CDH17: variants seen among roughly 807,000 people sequenced by gnomAD.
CDH17 encodes the protein cadherin-17.
A neutral mutation model predicts 86.3 loss-of-function variants in CDH17; 67 were observed. That is an observed-to-expected ratio of 0.78 (90% CI 0.64 to 0.95). The LOEUF (loss-of-function observed/expected upper bound fraction) is 0.95. CDH17 is among the 40% of genes least tolerant of loss of function. CDH17 has a pLI of 0.00. For missense variants in CDH17, 993 were observed against 1,017.6 expected, an observed-to-expected ratio of 0.98 and a Z score of 0.33; for synonymous variants, 367 against 366.4, an observed-to-expected ratio of 1.00 and a Z score of -0.02.
rs1437671379 is a variant in CDH17, at chr8:94,146,168, C to T, written c.1928-1G>A. 4.6e-6 allele frequency: 7 copies of T among 1,507,772 alleles called. No homozygotes were observed. The highest frequency in any genetic ancestry group is 6.2e-6 in the Non-Finnish European group (7 of 1,128,988). 93.4% of individuals were successfully genotyped at this position (1,507,772 alleles called of 1,614,324 possible). A position where few individuals can be genotyped will look rare whatever the true frequency, so the allele number is the denominator to read the frequency against. ...GACACAGAGCTCAAGGAAGACCCCC[C>T]TAAGGAATTGAATGATTGAAACATG... is the stretch of plus-strand genomic sequence containing the variant. On this transcript the variant is annotated splice_acceptor_variant, in intron 14 of 17. Transcript: ENST00000027335. LOFTEE classifies it high-confidence loss of function.
chr8:94,177,373 T>C (rs1270892632), intron 4 of CDH17, among the ~76,000 whole-genome samples: 1 of 152,198 alleles, frequency 6.6e-6, no homozygotes, highest in Non-Finnish European at 1.5e-5. Flanking sequence ...TAAGTGGGGT[T>C]ACGTTGGTTA....
chr8:94,205,570 T>C (rs1212563320), intron 1 of CDH17, among the ~76,000 whole-genome samples: 1 of 152,238 alleles, frequency 6.6e-6, no homozygotes, highest in Non-Finnish European at 1.5e-5. Flanking sequence ...TATGGCAGGT[T>C]CACTTTCCAA....
Position 94,165,771 on chromosome 8 carries a change from C to A in CDH17, c.1272G>T (p.Val424=). The A allele has an allele frequency of 6.2e-7, 1 of 1,608,376 alleles. No individual in the cohort carries two copies. Among genetic ancestry groups the A allele is most frequent in the Non-Finnish European group, 8.5e-7 (1 of 1,174,740 alleles). Residue 424 remains valine (V), a synonymous_variant, in exon 10 of 18, where the codon GTG becomes GTT. Coordinates refer to ENST00000027335, the MANE Select transcript of CDH17 (RefSeq NM_004063.4). ...GGATATGATACTAACCTTTGTCAGA[C>A]ACCTCTATCGTTAAGTTGTACTGAG... is the stretch of plus-strand genomic sequence containing the variant. The part of the protein sequence containing the change: ...DTPQYNLTIE[V]SDKDFKTLCF...
chr8:94,163,245 A>G (rs1291140636), intron 10 of CDH17, among the ~76,000 whole-genome samples: 1 of 152,258 alleles, frequency 6.6e-6, no homozygotes, highest in African/African-American at 2.4e-5. Flanking sequence ...GGGTCACACA[A>G]CTAACTAGTG....
chr8:94,200,599 C>A (rs1290904136), intron 1 of CDH17, among the ~76,000 whole-genome samples: 1 of 119,520 alleles, frequency 8.4e-6, no homozygotes, highest in Non-Finnish European at 1.6e-5. Context: ...AAGAAGGCCT[C>A]GGTTCCCAAA....
At chr8:94,203,560 A>G (rs758351939) in intron 1 of CDH17, among the ~76,000 whole-genome samples, 3 of 152,230 alleles carry the variant, frequency 2.0e-5, no homozygotes, top group Non-Finnish European at 4.4e-5. Flanking sequence ...TCATCGATTA[A>G]TGTTCAGATC....
chr8:94,200,538 T>G (rs1813888006), intron 1 of CDH17, among the ~76,000 whole-genome samples: 1 of 14,344 alleles, frequency 7.0e-5, no homozygotes, highest in African/African-American at 3.2e-4. Flanking sequence ...TTATCTTTTG[T>G]TTTTTTTTTT....
intron 14 of CDH17, among the ~76,000 whole-genome samples, chr8:94,147,537 T>A (rs1812767436): frequency 6.6e-6 from 1 of 152,234 alleles, no homozygotes; most frequent in Admixed American, 6.5e-5. Flanking sequence ...TTGAGTAATT[T>A]GTTTAATTCT....
intron 1 of CDH17, among the ~76,000 whole-genome samples, chr8:94,203,247 A>T (rs1453750011): frequency 6.6e-6 from 1 of 152,340 alleles, no homozygotes; most frequent in South Asian, 2.1e-4. Flanking sequence ...TTATTTTTTA[A>T]AAAGCATGAA....
rs962189688 is a variant in CDH17 at position 94,194,575 on chromosome 8, T to C, written c.51+60A>G. ...TAGCCATTCTTTCCCTGGTGTGGGGTAGAAAGATAGCAGAAAATATTCTAG... is the reference window on the plus strand; with the variant it reads ...TAGCCATTCTTTCCCTGGTGTGGGGCAGAAAGATAGCAGAAAATATTCTAG... On this transcript the variant is annotated intron_variant, in intron 2 of 17. Coordinates refer to ENST00000027335, the MANE Select transcript of CDH17 (RefSeq NM_004063.4). 7 of 1,135,868 alleles carry C rather than the reference T, an allele frequency of 6.2e-6. No individual in the cohort carries two copies. The African/African-American group carries it at 1.1e-4, about 18-fold the overall frequency. 70.4% of individuals were successfully genotyped at this position (1,135,868 alleles called of 1,614,324 possible).
At position 94,173,883 on chromosome 8, in the gene CDH17, TGA is replaced by T; in HGVS notation, c.695_696del (p.Ile232AsnfsTer21). 6.2e-7 allele frequency: 1 copy of T among 1,613,830 alleles called. No individual in the cohort carries two copies. Among genetic ancestry groups the T allele is most frequent in the Non-Finnish European group, 8.5e-7 (1 of 1,179,760 alleles). On this transcript the variant is annotated frameshift_variant, in exon 7 of 18. Coordinates refer to ENST00000027335, the MANE Select transcript of CDH17 (RefSeq NM_004063.4). LOFTEE classifies it high-confidence loss of function. The stretch of plus-strand genomic sequence containing the variant: ...GCTTTCCAAATATTCTCTGTCACTA[TGA>T]TATCCACAGATGTGGTATCACTGAA... ...NSFSDTTSVD[I>X]IVTENIWKAP...
intron 4 of CDH17, 52 bp from the exon 5 acceptor site, chr8:94,176,731 A>T: frequency 1.9e-6 from 3 of 1,548,292 alleles, no homozygotes; most frequent in East Asian, 2.3e-5. Context: ...TTCATGTCAC[A>T]TGCCCAAAAA....
At chr8:94,165,487 C>A (rs970876211) in intron 10 of CDH17, among the ~76,000 whole-genome samples, 1 of 152,102 alleles carries the variant, frequency 6.6e-6, no homozygotes, top group Non-Finnish European at 1.5e-5. Context: ...TTTTTTCTCA[C>A]GGGCTCCCCC....
chr8:94,159,515 C>T (rs904927696), intron 12 of CDH17, among the ~76,000 whole-genome samples: 1 of 152,084 alleles, frequency 6.6e-6, no homozygotes, highest in Non-Finnish European at 1.5e-5. Context: ...CTCACATTTG[C>T]AAAGGGGGAA....
At chr8:94,167,406 G>C (rs1456594200) in intron 9 of CDH17, among the ~76,000 whole-genome samples, 1 of 152,156 alleles carries the variant, frequency 6.6e-6, no homozygotes, top group Non-Finnish European at 1.5e-5. Flanking sequence ...AGCTGACACA[G>C]TTTGCATCCA....
intron 3 of CDH17, among the ~76,000 whole-genome samples, chr8:94,179,195 C>A (rs886442283): frequency 2.6e-5 from 4 of 152,158 alleles, no homozygotes; most frequent in African/African-American, 9.7e-5. Context: ...TTCCCAAAAG[C>A]TCCATCACCA....
intron 1 of CDH17, among the ~76,000 whole-genome samples, chr8:94,199,285 A>T (rs1009482288): frequency 6.6e-6 from 1 of 151,840 alleles, no homozygotes; most frequent in Non-Finnish European, 1.5e-5. Context: ...CTCACCTGTA[A>T]GAGCTTTCAA....
At chr8:94,165,343 GC>G (rs1813131356) in intron 10 of CDH17, among the ~76,000 whole-genome samples, 2 of 152,236 alleles carry the variant, frequency 1.3e-5, no homozygotes, top group African/African-American at 4.8e-5. Flanking sequence ...GCTGTGCCAA[GC>G]TTTCCTCAGA....
rs149333866 is a variant in CDH17 at position 94,189,725 on chromosome 8, G to A, written c.52-440C>T. ...TTATTTTATAAAGACATTTACAGCA[G>A]ATTGCCAGCACTCTAGTGTTTTGAA... On this transcript the variant is annotated intron_variant, in intron 2 of 17. Coordinates refer to ENST00000027335, the MANE Select transcript of CDH17 (RefSeq NM_004063.4). Among the ~76,000 whole-genome samples, 1,223 of 152,232 alleles carry A rather than the reference G, an allele frequency of 8.0e-3. 22 individuals carry two copies. Among genetic ancestry groups the A allele is most frequent in the African/African-American group, 0.027 (1,107 of 41,526 alleles).
Sources: gnomAD v4.1 joint callset for allele counts (sites outside exome capture counted in the v4.1 genomes callset) on GRCh38, gnomAD v4.1.1 for gene constraint, MANE v1.5 for transcripts, NCBI Gene and HGNC (gene_info 2026-07-23, HGNC 2026-07-21) for gene names.